LRIF1: variants seen among roughly 807,000 people sequenced by gnomAD.
LRIF1 encodes the protein ligand-dependent nuclear receptor-interacting factor 1.
LRIF1 carries 32 observed loss-of-function variants against 52.7 expected under a neutral mutation model. The observed-to-expected ratio is 0.61, with a 90% CI of 0.46 to 0.82. LRIF1 has a LOEUF of 0.82. LRIF1 is among the 40% of genes least tolerant of loss of function. The pLI is 0.00. For synonymous variants in LRIF1, 323 were observed against 317.4 expected, an observed-to-expected ratio of 1.02 and a Z score of -0.19; for missense variants, 887 against 892.0, an observed-to-expected ratio of 0.99 and a Z score of 0.07.
At chr1:110,961,858 T>C (rs1658964098) in intron 1 of LRIF1, among the ~76,000 whole-genome samples, 1 of 152,064 alleles carries the variant, frequency 6.6e-6, no homozygotes, top group African/African-American at 2.4e-5. Flanking sequence ...AAAGTAAATG[T>C]CGAAGCTTCA....
the LRIF1 span, among the ~76,000 whole-genome samples, chr1:110,929,273 A>G: frequency 3.9e-5 from 6 of 152,222 alleles, no homozygotes; most frequent in African/African-American, 2.4e-5. Flanking sequence ...TCCTTTGGGT[A>G]TATACCCAGT....
chr1:110,951,499 G>C lies in LRIF1; in HGVS notation c.1385C>G (p.Ser462Cys). The C allele has an allele frequency of 2.5e-6, 4 of 1,614,120 alleles. No homozygotes were observed. Among genetic ancestry groups the C allele is most frequent in the Non-Finnish European group, 3.4e-6 (4 of 1,180,006 alleles). ...CTTACTCTGTTTTAAGTAGTTACTG[G>C]ATTGGTTCATATGTGGATTTGTGGT... is the stretch of plus-strand genomic sequence containing the variant. ...PSTTNPHMNQSSNYLKQSKTL... is the reference protein window; with the variant it reads ...PSTTNPHMNQCSNYLKQSKTL... The change falls in exon 2 of 4, where the codon TCC (serine) becomes TGC (cysteine). Residue 462 changes from serine (S) to cysteine (C), a missense_variant. Coordinates refer to ENST00000369763, the MANE Select transcript of LRIF1 (RefSeq NM_018372.4).
the LRIF1 span, among the ~76,000 whole-genome samples, chr1:110,916,895 T>A: frequency 2.0e-5 from 3 of 152,248 alleles, no homozygotes; most frequent in Non-Finnish European, 4.4e-5. Flanking sequence ...TGTAAACTCC[T>A]GCTGTGACTT....
chr1:110,877,933 G>T, the LRIF1 span, among the ~76,000 whole-genome samples: 2 of 152,188 alleles, frequency 1.3e-5, no homozygotes, highest in African/African-American at 2.4e-5. Context: ...ATGAAAAATG[G>T]AAGGTCTTCT....
At chr1:110,912,558 A>G in the LRIF1 span, among the ~76,000 whole-genome samples, 113 of 152,316 alleles carry the variant, frequency 7.4e-4, no homozygotes, top group African/African-American at 2.6e-3. Context: ...GAGCCAAATC[A>G]GGAATGTAAT....
intron 1 of LRIF1, among the ~76,000 whole-genome samples, chr1:110,958,550 T>C (rs1436068608): frequency 2.6e-5 from 4 of 152,192 alleles, no homozygotes; most frequent in Non-Finnish European, 5.9e-5. Flanking sequence ...ATACCAAGCA[T>C]AGTATTTTAT....
chr1:110,944,599 G>A (rs1314378573), downstream of LRIF1: 3 of 152,212 alleles, frequency 2.0e-5, no homozygotes, highest in African/African-American at 7.2e-5. Context: ...CAAGGAGACT[G>A]AGAATGACTA....
In LRIF1 at chr1:110,952,389, A is replaced by AACT; in HGVS notation, c.492_494dup (p.Val165dup). ...CAGTCACTGGAAGACTCTGGGTATTAACTACAATAAAAGATGAGTCTTTTT... is the reference window on the plus strand; with the variant it reads ...CAGTCACTGGAAGACTCTGGGTATTAACTACTACAATAAAAGATGAGTCTTTTT... On this transcript the variant is annotated inframe_insertion, in exon 2 of 4. Transcript: ENST00000369763. The AACT allele has an allele frequency of 6.2e-7, 1 of 1,613,812 alleles. No homozygotes were observed. Among genetic ancestry groups the AACT allele is most frequent in the Non-Finnish European group, 8.5e-7 (1 of 1,179,678 alleles).
chr1:110,948,598 G>A (rs1404262626), intron 3 of LRIF1, among the ~76,000 whole-genome samples, 199 bp from the exon 4 acceptor site: 3 of 152,172 alleles, frequency 2.0e-5, no homozygotes, highest in Non-Finnish European at 2.9e-5. Context: ...TCAGTAAGAA[G>A]AAATTGCCTA....
At chr1:110,898,803 T>C in the LRIF1 span, among the ~76,000 whole-genome samples, 2 of 152,180 alleles carry the variant, frequency 1.3e-5, no homozygotes, top group African/African-American at 4.8e-5. Flanking sequence ...GCACAGAGCA[T>C]GGATAGAGAT....
At chr1:110,951,259 A>G in intron 2 of LRIF1, 29 bp downstream of exon 2, 3 of 1,553,190 alleles carry the variant, frequency 1.9e-6, no homozygotes, top group Non-Finnish European at 2.6e-6. Context: ...TAGATATATA[A>G]AAAGAGCACC....
chr1:110,906,019 T>A, the LRIF1 span, among the ~76,000 whole-genome samples: 1 of 151,946 alleles, frequency 6.6e-6, no homozygotes, highest in East Asian at 1.9e-4. Flanking sequence ...TGCAAAAACA[T>A]ATGATGGATG....
chr1:110,963,533 T>C, intron 1 of LRIF1, 88 bp downstream of exon 1: 2 of 1,162,332 alleles, frequency 1.7e-6, no homozygotes, highest in South Asian at 2.8e-5. Context: ...TCCTCTCAAC[T>C]ACACAGCGTC....
chr1:110,957,688 G>T (rs1020754295), intron 1 of LRIF1, among the ~76,000 whole-genome samples: 1 of 152,108 alleles, frequency 6.6e-6, no homozygotes, highest in Non-Finnish European at 1.5e-5. Flanking sequence ...AAAAGTAGTA[G>T]TCTATCCTAC....
the LRIF1 span, among the ~76,000 whole-genome samples, chr1:110,918,678 C>A: frequency 6.6e-6 from 1 of 152,144 alleles, no homozygotes; most frequent in East Asian, 1.9e-4. Context: ...GAAAGATAGG[C>A]AAAACATCAG....
intron 3 of LRIF1, 103 bp from the exon 4 acceptor site, chr1:110,948,502 A>C: frequency 6.9e-7 from 1 of 1,442,724 alleles, no homozygotes; most frequent in Non-Finnish European, 9.1e-7. Context: ...ATATCTAGCT[A>C]TTACAATTAA....
chr1:110,944,890 G>A (rs1396464147), downstream of LRIF1: 2 of 144,162 alleles, frequency 1.4e-5, no homozygotes. Context: ...AAAGCTCAAG[G>A]TTGCTGTTTT....
chr1:110,925,434 C>A, the LRIF1 span, among the ~76,000 whole-genome samples: 2 of 151,956 alleles, frequency 1.3e-5, no homozygotes, highest in African/African-American at 4.8e-5. Context: ...TCTCTTCACA[C>A]GCGCATACAC....
At chr1:110,924,494 G>T in the LRIF1 span, among the ~76,000 whole-genome samples, 1 of 152,182 alleles carries the variant, frequency 6.6e-6, no homozygotes, top group South Asian at 2.1e-4. Flanking sequence ...TCACAAGGTG[G>T]CATGAAGAAG....
Sources: gnomAD v4.1 joint callset for allele counts (sites outside exome capture counted in the v4.1 genomes callset) on GRCh38, gnomAD v4.1.1 for gene constraint, MANE v1.5 for transcripts, NCBI Gene and HGNC (gene_info 2026-07-23, HGNC 2026-07-21) for gene names.